PTK2: variants seen among roughly 807,000 people sequenced by gnomAD.
PTK2 encodes the protein protein tyrosine kinase 2, also known as focal adhesion kinase 1.
In PTK2, 45 loss-of-function variants were observed where a neutral mutation model predicts 150.1. The ratio of observed to expected loss-of-function variants is 0.30; its 90% CI spans 0.24 to 0.38. The LOEUF is 0.38. PTK2 is among the 10% of genes least tolerant of loss of function. The probability of loss-of-function intolerance (pLI) is 1.00; values close to 1 mark genes in which losing one functional copy is unlikely to be tolerated. For synonymous variants in PTK2, 432 were observed against 449.2 expected, an observed-to-expected ratio of 0.96 and a Z score of 0.48; for missense variants, 919 against 1,307.3, an observed-to-expected ratio of 0.70 and a Z score of 4.58.
chr8:140,677,402 T>G (rs942514772), intron 27 of PTK2, among the ~76,000 whole-genome samples: 1 of 152,184 alleles, frequency 6.6e-6, no homozygotes, highest in Non-Finnish European at 1.5e-5. Context: ...AGGATAAAGT[T>G]TCACTTAACA....
chr8:140,902,015 C>T (rs2100158673), intron 2 of PTK2, among the ~76,000 whole-genome samples: 1 of 146,976 alleles, frequency 6.8e-6, no homozygotes, highest in African/African-American at 2.5e-5. Flanking sequence ...ACAGAGTATT[C>T]CATGGTGTAT....
chr8:140,874,285 T>C (rs1362450572), intron 4 of PTK2, among the ~76,000 whole-genome samples: 1 of 152,212 alleles, frequency 6.6e-6, no homozygotes, highest in Non-Finnish European at 1.5e-5. Flanking sequence ...TTCAGGTTTA[T>C]TCAACAGTAT....
intron 8 of PTK2, 27 bp downstream of exon 8, chr8:140,830,445 T>C (rs746565668): frequency 6.9e-7 from 1 of 1,450,178 alleles, no homozygotes; most frequent in East Asian, 2.4e-5. Flanking sequence ...TTTGTTATTT[T>C]ATTATGATAA....
At chr8:140,854,171 G>A (rs2100131101) in intron 5 of PTK2, among the ~76,000 whole-genome samples, 1 of 152,256 alleles carries the variant, frequency 6.6e-6, no homozygotes, top group East Asian at 1.9e-4. Flanking sequence ...GGAAACCACT[G>A]ATTATTTAAT....
At chr8:140,699,879 T>C (rs1305120892) in intron 26 of PTK2, among the ~76,000 whole-genome samples, 1 of 152,148 alleles carries the variant, frequency 6.6e-6, no homozygotes, top group African/African-American at 2.4e-5. Flanking sequence ...CTATTTCCTG[T>C]TCTGTTAAAA....
At chr8:140,851,377 G>C (rs747541085) in intron 5 of PTK2, among the ~76,000 whole-genome samples, 1 of 152,014 alleles carries the variant, frequency 6.6e-6, no homozygotes, top group African/African-American at 2.4e-5. Context: ...ACTATCATGC[G>C]CCAGGATATT....
chr8:140,867,363 A>G (rs1364938394), intron 4 of PTK2, among the ~76,000 whole-genome samples: 1 of 152,238 alleles, frequency 6.6e-6, no homozygotes, highest in African/African-American at 2.4e-5. Flanking sequence ...AGGGAATTAC[A>G]TAATCTTCCC....
chr8:140,703,402 T>C (rs1221851612), intron 24 of PTK2, among the ~76,000 whole-genome samples: 1 of 152,194 alleles, frequency 6.6e-6, no homozygotes, highest in African/African-American at 2.4e-5. Flanking sequence ...AGGACATTTG[T>C]TATGGCTGCA....
At chr8:140,697,610 G>C (rs958978321) in intron 26 of PTK2, among the ~76,000 whole-genome samples, 1 of 152,114 alleles carries the variant, frequency 6.6e-6, no homozygotes, top group Non-Finnish European at 1.5e-5. Context: ...TTTCAGTACA[G>C]ATGGGGTTTC....
chr8:140,739,157 A>G, intron 20 of PTK2, 50 bp from the exon 24 acceptor site: 1 of 1,250,414 alleles, frequency 8.0e-7, no homozygotes, highest in Non-Finnish European at 1.1e-6. Context: ...CTGCTTAAGA[A>G]TCTAACAGAG....
chr8:140,773,897 G>T (rs959850473), intron 14 of PTK2, among the ~76,000 whole-genome samples: 15 of 152,186 alleles, frequency 9.9e-5, no homozygotes, highest in African/African-American at 3.6e-4. Flanking sequence ...CCGGGTGCAG[G>T]ATAGGGGTGA....
intron 14 of PTK2, among the ~76,000 whole-genome samples, chr8:140,774,668 A>G (rs948448578): frequency 2.0e-5 from 3 of 152,240 alleles, no homozygotes; most frequent in Admixed American, 2.0e-4. Context: ...GATAGAAGAT[A>G]CAAGTCATAA....
intron 1 of PTK2, among the ~76,000 whole-genome samples, chr8:140,939,806 TTAAC>T (rs2100175017): frequency 6.6e-6 from 1 of 152,226 alleles, no homozygotes; most frequent in African/African-American, 2.4e-5. Context: ...TGCTCTGGCA[TTAAC>T]TATTTATTAG....
At chr8:140,834,517 C>CA (rs1177528641) in intron 7 of PTK2, among the ~76,000 whole-genome samples, 1 of 152,130 alleles carries the variant, frequency 6.6e-6, no homozygotes, top group African/African-American at 2.4e-5. Flanking sequence ...ATGATCTATT[C>CA]ACTAAGATTC....
At chr8:140,773,095 T>C (rs2100076447) in intron 14 of PTK2, among the ~76,000 whole-genome samples, 1 of 152,248 alleles carries the variant, frequency 6.6e-6, no homozygotes, top group South Asian at 2.1e-4. Context: ...TTTTCTACTG[T>C]TCATTTCTAA....
exon 9 of PTK2, chr8:140,819,017 T>C: frequency 6.2e-7 from 1 of 1,611,436 alleles, no homozygotes; most frequent in Non-Finnish European, 8.5e-7. Flanking sequence ...CTTAGTGTTT[T>C]GGCCTGCATG....
chr8:140,904,434 T>C (rs980838771), intron 2 of PTK2, among the ~76,000 whole-genome samples: 4 of 152,218 alleles, frequency 2.6e-5, no homozygotes, highest in Non-Finnish European at 2.9e-5. Flanking sequence ...TCGATGTTCA[T>C]CAGGCATATC....
intron 7 of PTK2, among the ~76,000 whole-genome samples, chr8:140,842,193 A>G (rs986611018): frequency 2.0e-5 from 3 of 152,104 alleles, no homozygotes; most frequent in Admixed American, 6.5e-5. Context: ...GGAGTTGAAG[A>G]AATTTTCTTA....
intron 5 of PTK2, among the ~76,000 whole-genome samples, chr8:140,856,717 T>C (rs1269141456): frequency 6.6e-6 from 1 of 152,190 alleles, no homozygotes; most frequent in East Asian, 1.9e-4. Flanking sequence ...TATTCTGGTG[T>C]ATGTATCTGT....
Sources: allele counts gnomAD v4.1 joint callset (sites outside exome capture counted in the v4.1 genomes callset), GRCh38; gene constraint gnomAD v4.1.1; transcripts MANE v1.5; gene names NCBI Gene and HGNC (gene_info 2026-07-23, HGNC 2026-07-21).